Variants in NDST3 observed in about 807,000 individuals in gnomAD.
NDST3 encodes the protein N-deacetylase and N-sulfotransferase 3, also known as bifunctional heparan sulfate N-deacetylase/N-sulfotransferase 3.
A neutral mutation model predicts 96.1 loss-of-function variants in NDST3; 58 were observed. That is an observed-to-expected ratio of 0.60 (90% confidence interval 0.49 to 0.75). The LOEUF (loss-of-function observed/expected upper bound fraction) is 0.75. Among genes scored for constraint, NDST3 ranks in the 30% least tolerant of loss-of-function variants. The probability of loss-of-function intolerance (pLI) is 0.00; values close to 1 mark genes in which losing one functional copy is unlikely to be tolerated. For missense variants in NDST3, 788 were observed against 1,034.2 expected (o/e 0.76, Z 3.27); for synonymous variants, 333 against 359.7 (o/e 0.93, Z 0.84).
intron 2 of NDST3, among the ~76,000 whole-genome samples, chr4:118,080,155 G>A (rs1727894377): frequency 1.3e-5 from 2 of 151,882 alleles, no homozygotes; most frequent in East Asian, 1.9e-4. Context: ...TAATAAACAC[G>A]TGTAAAGTAC....
At chr4:118,103,913 A>T (rs2125848858) in intron 2 of NDST3, among the ~76,000 whole-genome samples, 1 of 152,308 alleles carries the variant, frequency 6.6e-6, no homozygotes, top group East Asian at 1.9e-4. Flanking sequence ...TTGAACCCAG[A>T]AGTTCTCTAC....
intron 3 of NDST3, among the ~76,000 whole-genome samples, chr4:118,106,755 C>T (rs566104686): frequency 2.0e-5 from 3 of 151,928 alleles, no homozygotes; most frequent in East Asian, 1.9e-4. Flanking sequence ...CATGCCACTG[C>T]GCTCCAGTCT....
At chr4:118,250,921 T>A (rs1741666113) in intron 12 of NDST3, among the ~76,000 whole-genome samples, 1 of 151,776 alleles carries the variant, frequency 6.6e-6, no homozygotes, top group Non-Finnish European at 1.5e-5. Context: ...TTCATTTTCT[T>A]GTGTCTTTAT....
rs192175396 is a variant in NDST3 at position 118,251,967 on chromosome 4, G to A, written c.2400-1532G>A. Among the ~76,000 whole-genome samples, 10 of 152,140 alleles carry A rather than the reference G, an allele frequency of 6.6e-5. No homozygotes were observed. The East Asian group carries it at 1.5e-3, about 23-fold the overall frequency. On this transcript the variant is annotated intron_variant, in intron 12 of 13. Coordinates refer to ENST00000296499, the MANE Select transcript of NDST3 (RefSeq NM_004784.3). ...TTTTTCTAAAACTTAACAAAGTTTT[G>A]TAGTTTTAAGTGTGCAGCCATTGCA...
At position 118,240,477 on chromosome 4, in the gene NDST3, TA is replaced by T. The variant is rs375605826; in HGVS notation, c.2119-46del. On this transcript the variant is annotated intron_variant, in intron 10 of 13. Transcript: ENST00000296499. ...TCACAAAGATTGATTTTTAATTATT[TA>T]TGCCTACGGTTCAGATTAGTTTAAT... The T allele has an allele frequency of 3.7e-5, 53 of 1,451,544 alleles. No individual in the cohort carries two copies. In the East Asian group the frequency reaches 9.1e-4, roughly 25 times the overall value. 89.9% of individuals were successfully genotyped at this position (1,451,544 alleles called of 1,614,324 possible).
intron 2 of NDST3, among the ~76,000 whole-genome samples, chr4:118,084,215 C>G (rs1728236699): frequency 6.6e-6 from 1 of 151,504 alleles, no homozygotes; most frequent in Non-Finnish European, 1.5e-5. Flanking sequence ...TTTAGCTACT[C>G]TTGCTATAAA....
chr4:118,188,094 A>G (rs1422295205), intron 6 of NDST3, among the ~76,000 whole-genome samples: 1 of 152,096 alleles, frequency 6.6e-6, no homozygotes, highest in Non-Finnish European at 1.5e-5. Context: ...ATACAACCAG[A>G]AAACATACAT....
intron 6 of NDST3, among the ~76,000 whole-genome samples, chr4:118,205,970 T>TTACA (rs1738416959): frequency 2.1e-5 from 3 of 142,580 alleles, no homozygotes; most frequent in Admixed American, 2.1e-4. Context: ...GTAGCTGGGA[T>TTACA]TACAGAAGCC....
chr4:118,220,211 G>A lies in NDST3; in HGVS notation c.1540-4280G>A, dbSNP rs191369260. 5.4e-3 allele frequency among the ~76,000 whole-genome samples: 817 copies of A among 152,006 alleles called. 14 individuals are homozygous for A. Among genetic ancestry groups the A allele is most frequent in the African/African-American group, 0.019 (774 of 41,446 alleles). ...GCAGACACGTGGAACCAACCCAAAT[G>A]CCCAACAATGATAGACTAGATAAAG... is the stretch of plus-strand genomic sequence containing the variant. On this transcript the variant is annotated intron_variant, in intron 6 of 13. Coordinates refer to ENST00000296499, the MANE Select transcript of NDST3 (RefSeq NM_004784.3).
Position 118,215,276 on chromosome 4 carries a change from G to A in NDST3, c.1540-9215G>A, listed in dbSNP as rs537965218. 7.2e-5 allele frequency among the ~76,000 whole-genome samples: 11 copies of A among 152,162 alleles called. No homozygotes were observed. In the South Asian group the frequency reaches 2.3e-3, roughly 32 times the overall value. On this transcript the variant is annotated intron_variant, in intron 6 of 13. Coordinates refer to ENST00000296499, the MANE Select transcript of NDST3 (RefSeq NM_004784.3). ...AGAATCAGTGAAAAATATAGATAGA[G>A]GAGAACTAGGAGAAAACAGTGTCAA...
intron 6 of NDST3, among the ~76,000 whole-genome samples, chr4:118,200,229 T>C (rs74930179): frequency 0.12 from 18,219 of 152,210 alleles, 1,362 homozygotes; most frequent in South Asian, 0.2. Context: ...CCTGGTGTTC[T>C]ATTGTACTGT....
intron 5 of NDST3, among the ~76,000 whole-genome samples, chr4:118,140,894 T>G (rs970480298): frequency 7.2e-5 from 11 of 152,084 alleles, no homozygotes; most frequent in Admixed American, 2.6e-4. Context: ...AAAATGAGAT[T>G]TGAGTGAGGA....
At chr4:118,218,222 T>C (rs1409569800) in intron 6 of NDST3, among the ~76,000 whole-genome samples, 1 of 152,020 alleles carries the variant, frequency 6.6e-6, no homozygotes, top group Non-Finnish European at 1.5e-5. Context: ...TACCAAAACT[T>C]GGCAGAGACA....
At chr4:118,136,394 C>T (rs1733092831) in intron 4 of NDST3, among the ~76,000 whole-genome samples, 1 of 152,092 alleles carries the variant, frequency 6.6e-6, no homozygotes, top group African/African-American at 2.4e-5. Context: ...GTCTTTATCA[C>T]CATACCCCTA....
At chr4:118,056,021 G>C (rs1725405175) in intron 2 of NDST3, among the ~76,000 whole-genome samples, 1 of 151,800 alleles carries the variant, frequency 6.6e-6, no homozygotes, top group South Asian at 2.1e-4. Context: ...AATTAATAAA[G>C]AAGCTGTATT....
At chr4:118,218,482 A>C (rs1285760459) in intron 6 of NDST3, among the ~76,000 whole-genome samples, 1 of 152,192 alleles carries the variant, frequency 6.6e-6, no homozygotes, top group Admixed American at 6.5e-5. Context: ...GCCTTCAATA[A>C]AATTCAACAT....
At chr4:118,076,880 T>G (rs899089079) in intron 2 of NDST3, among the ~76,000 whole-genome samples, 39 of 152,186 alleles carry the variant, frequency 2.6e-4, no homozygotes, top group Non-Finnish European at 2.5e-4. Flanking sequence ...GTTTTTTGAG[T>G]TATCAGAGTT....
intron 4 of NDST3, among the ~76,000 whole-genome samples, chr4:118,137,531 C>T (rs1733209189): frequency 6.6e-6 from 1 of 152,142 alleles, no homozygotes; most frequent in African/African-American, 2.4e-5. Flanking sequence ...TCTCCTAAGG[C>T]AGGGAACGTT....
intron 4 of NDST3, among the ~76,000 whole-genome samples, chr4:118,131,217 G>C (rs1732582645): frequency 6.6e-6 from 1 of 151,756 alleles, no homozygotes; most frequent in African/African-American, 2.4e-5. Flanking sequence ...TTGCCCTTTG[G>C]AGGCTATTTT....
Sources: gnomAD v4.1 joint callset for allele counts (sites outside exome capture counted in the v4.1 genomes callset) on GRCh38, gnomAD v4.1.1 for gene constraint, MANE v1.5 for transcripts, NCBI Gene and HGNC (gene_info 2026-07-23, HGNC 2026-07-21) for gene names.